The following PRUNE2 variants were observed in gnomAD, a reference collection of about 807,000 sequenced individuals.
The protein encoded by PRUNE2 is prune homolog 2 with BCH domain.
In PRUNE2, 164 loss-of-function variants were observed where a neutral mutation model predicts 252.0. That is an observed-to-expected ratio of 0.65 (90% CI 0.57 to 0.74). The LOEUF is 0.74. Ranked by LOEUF, PRUNE2 falls within the 30% of genes least tolerant of loss-of-function variation. PRUNE2 has a pLI of 0.00. For synonymous variants in PRUNE2, 1,292 were observed against 1,350.2 expected (o/e 0.96, Z 0.94); for missense variants, 3,495 against 3,711.0 (o/e 0.94, Z 1.51).
Position 76,711,105 on chromosome 9 carries a change from C to A in PRUNE2, c.1169G>T (p.Gly390Val), listed in dbSNP as rs1168281396. ...GCTGGGTTGTGGCTCTATGTCAGAA[C>A]CATACAATTCCATAATCCCAGAAGA... ...QGSSGIMELYGSDIEPQPSSV... is the reference protein window; with the variant it reads ...QGSSGIMELYVSDIEPQPSSV... Residue 390 changes from glycine (G) to valine (V), a missense_variant, in exon 8 of 19, where the codon GGT (glycine) becomes GTT (valine). Coordinates refer to ENST00000376718, the MANE Select transcript of PRUNE2 (RefSeq NM_015225.3). The A allele has an allele frequency of 1.2e-6, 2 of 1,613,882 alleles. No homozygotes were observed. The highest frequency in any genetic ancestry group is 2.2e-5 in the East Asian group (1 of 44,872).
chr9:76,683,525 C>T (rs1408348701), intron 9 of PRUNE2, among the ~76,000 whole-genome samples: 1 of 152,128 alleles, frequency 6.6e-6, no homozygotes, highest in African/African-American at 2.4e-5. Context: ...TGTCACCCAT[C>T]ACCCAAAATG....
Position 76,709,383 on chromosome 9 carries a change from T to A in PRUNE2, c.2891A>T (p.Asp964Val). Residue 964 changes from aspartate to valine, a missense_variant, in exon 8 of 19, where the codon GAT (aspartate) becomes GTT (valine). Physicochemically the swap from Asp to Val is radical, Grantham distance 152. Coordinates refer to ENST00000376718, the MANE Select transcript of PRUNE2 (RefSeq NM_015225.3). Reference protein sequence around the residue: ...LGEDSVPSPLDTNYSTSDSYT... With the variant: ...LGEDSVPSPLVTNYSTSDSYT... ...AGAGTCTGAGGTGGAATAATTGGTA[T>A]CTAAGGGGGAAGGCACCGAATCTTC... The A allele has an allele frequency of 6.2e-7, 1 of 1,613,986 alleles. No homozygotes were observed. The highest frequency in any genetic ancestry group is 8.5e-7 in the Non-Finnish European group (1 of 1,179,880).
intron 3 of PRUNE2, among the ~76,000 whole-genome samples, 189 bp downstream of exon 3, chr9:76,850,274 T>C (rs1456520275): frequency 1.3e-5 from 2 of 152,168 alleles, no homozygotes; most frequent in Non-Finnish European, 2.9e-5. Flanking sequence ...CTCGAACTCC[T>C]GGCCTCAAGT....
intron 6 of PRUNE2, among the ~76,000 whole-genome samples, chr9:76,788,045 G>C (rs537534041): frequency 3.3e-3 from 508 of 152,208 alleles, no homozygotes; most frequent in Non-Finnish European, 3.8e-3. Context: ...TTCGGCTCAA[G>C]AGTCCCTGAC....
At chr9:76,829,751 G>GT (rs1280140952) in intron 4 of PRUNE2, among the ~76,000 whole-genome samples, 1,715 of 141,672 alleles carry the variant, frequency 0.012, 17 homozygotes, top group African/African-American at 0.029. Context: ...GTTTTGTTTT[G>GT]TTTTTTTTTT....
chr9:76,877,150 AGAAGAGGTATCCCAG>A (rs2061519891), intron 1 of PRUNE2, among the ~76,000 whole-genome samples: 1 of 152,108 alleles, frequency 6.6e-6, no homozygotes, highest in Non-Finnish European at 1.5e-5. Context: ...ACATGGGTAT[AGAAGAGGTATCCCAG>A]GAAGATGTGC....
At position 76,614,277 on chromosome 9, in the gene PRUNE2, G is replaced by A; in HGVS notation, c.*293C>T. On this transcript the variant is annotated 3_prime_UTR_variant, in exon 19 of 19. Coordinates refer to ENST00000376718, the MANE Select transcript of PRUNE2 (RefSeq NM_015225.3). The stretch of plus-strand genomic sequence containing the variant: ...TCTTACTGGTAAACACCAGTCTAAG[G>A]GACAAAGTATCACTACACCGTGTTA... 1 of 450,570 alleles carries A rather than the reference G, an allele frequency of 2.2e-6. No individual in the cohort carries two copies. The highest frequency in any genetic ancestry group is 3.9e-6 in the Non-Finnish European group (1 of 254,242). The allele number at this position is 450,570 out of a possible 1,614,324, so 27.9% of individuals were successfully genotyped here.
Position 76,704,949 on chromosome 9 carries a change from T to A in PRUNE2, c.7325A>T (p.Asn2442Ile), listed in dbSNP as rs773631423. 3.1e-6 allele frequency: 5 copies of A among 1,612,998 alleles called. No homozygotes were observed. The East Asian group carries it at 1.1e-4, about 36-fold the overall frequency. Residue 2442 changes from asparagine (N) to isoleucine (I), a missense_variant, in exon 8 of 19, where the codon AAC becomes ATC. Coordinates refer to ENST00000376718, the MANE Select transcript of PRUNE2 (RefSeq NM_015225.3). ...SALPDRRSEG[N>I]QAETKNRLPG... is the part of the protein sequence containing the mutation. ...CAGTCTGTTTTTGGTCTCAGCCTGG[T>A]TTCCCTCACTTCTTCGATCAGGAAG...
intron 1 of PRUNE2, among the ~76,000 whole-genome samples, chr9:76,866,603 T>C (rs2060851878): frequency 1.3e-5 from 2 of 152,180 alleles, no homozygotes; most frequent in South Asian, 2.1e-4. Flanking sequence ...CTGGCAATTT[T>C]TGAAGCTGGG....
At chr9:76,738,206 G>T (rs940173168) in intron 6 of PRUNE2, 1 of 152,106 alleles carries the variant, frequency 6.6e-6, no homozygotes, top group African/African-American at 2.4e-5. Flanking sequence ...ACTGTGAGGG[G>T]ATATTTAAGG....
intron 15 of PRUNE2, among the ~76,000 whole-genome samples, chr9:76,632,590 C>G (rs1838159314): frequency 6.6e-6 from 1 of 152,172 alleles, no homozygotes; most frequent in African/African-American, 2.4e-5. Context: ...CTAGGACTCA[C>G]TCTGTCACCC....
chr9:76,903,467 A>G (rs1042395432), intron 1 of PRUNE2, among the ~76,000 whole-genome samples: 5 of 152,222 alleles, frequency 3.3e-5, no homozygotes, highest in African/African-American at 1.2e-4. Context: ...TTTAAAACAT[A>G]GCTCCTACAT....
chr9:76,682,039 G>A (rs1312165111), intron 9 of PRUNE2, among the ~76,000 whole-genome samples: 1 of 152,086 alleles, frequency 6.6e-6, no homozygotes, highest in Non-Finnish European at 1.5e-5. Flanking sequence ...AGGCAGAGGA[G>A]GTGACAAAAT....
intron 1 of PRUNE2, among the ~76,000 whole-genome samples, chr9:76,873,056 C>G (rs2061306171): frequency 6.6e-6 from 1 of 152,014 alleles, no homozygotes; most frequent in African/African-American, 2.4e-5. Context: ...CATCCACAAA[C>G]CAAGGATCAT....
At chr9:76,690,281 A>G (rs1033202252) in intron 9 of PRUNE2, among the ~76,000 whole-genome samples, 1 of 152,212 alleles carries the variant, frequency 6.6e-6, no homozygotes, top group African/African-American at 2.4e-5. Context: ...TCCCAGATAC[A>G]AATACTACTC....
intron 9 of PRUNE2, among the ~76,000 whole-genome samples, chr9:76,659,689 C>A (rs1850552097): frequency 6.6e-6 from 1 of 151,988 alleles, no homozygotes; most frequent in African/African-American, 2.4e-5. Flanking sequence ...CTCTGACGAT[C>A]TGAAATCTGA....
chr9:76,653,724 C>G (rs1393140374), intron 10 of PRUNE2, among the ~76,000 whole-genome samples: 1 of 151,066 alleles, frequency 6.6e-6, no homozygotes, highest in Non-Finnish European at 1.5e-5. Context: ...TGCCCTTTAC[C>G]TGGCCGAAGT....
intron 9 of PRUNE2, chr9:76,692,058 A>G (rs779628527): frequency 1.5e-5 from 11 of 717,336 alleles, no homozygotes; most frequent in Non-Finnish European, 2.9e-5. Flanking sequence ...TAAAAGCTAC[A>G]CCAGGACCCA....
At chr9:76,734,938 T>C (rs908221372) in intron 6 of PRUNE2, among the ~76,000 whole-genome samples, 2 of 151,974 alleles carry the variant, frequency 1.3e-5, no homozygotes, top group East Asian at 3.9e-4. Context: ...TGGAGAGTCA[T>C]GGAGAGAGGA....
Sources: gnomAD v4.1 joint callset for allele counts (sites outside exome capture counted in the v4.1 genomes callset) on GRCh38, gnomAD v4.1.1 for gene constraint, MANE v1.5 for transcripts, NCBI Gene and HGNC (gene_info 2026-07-23, HGNC 2026-07-21) for gene names.